SLC9A3: variants seen among roughly 807,000 people sequenced by gnomAD.
SLC9A3 encodes the protein sodium/hydrogen exchanger 3.
A neutral mutation model predicts 86.8 loss-of-function variants in SLC9A3; 37 were observed. The ratio of observed to expected loss-of-function variants is 0.43; its 90% CI spans 0.33 to 0.56. The LOEUF is 0.56. Among genes scored for constraint, SLC9A3 ranks in the 20% least tolerant of loss-of-function variants. The probability of loss-of-function intolerance (pLI) is 0.06; values close to 1 mark genes in which losing one functional copy is unlikely to be tolerated. For synonymous variants in SLC9A3, 581 were observed against 528.3 expected, an observed-to-expected ratio of 1.10 and a Z score of -1.37; for missense variants, 1,011 against 1,171.9, an observed-to-expected ratio of 0.86 and a Z score of 2.00.
chr5:511,617 G>A (rs937538308), intron 1 of SLC9A3, among the ~76,000 whole-genome samples: 2 of 152,354 alleles, frequency 1.3e-5, no homozygotes, highest in East Asian at 1.9e-4. Flanking sequence ...CAGCGTGGCC[G>A]AAACCCAGGA....
intron 1 of SLC9A3, among the ~76,000 whole-genome samples, chr5:508,551 G>A (rs1213647788): frequency 1.4e-5 from 2 of 145,848 alleles, no homozygotes; most frequent in African/African-American, 2.6e-5. Context: ...TGGAGATGCC[G>A]CAGGGAAACT....
intron 1 of SLC9A3, among the ~76,000 whole-genome samples, chr5:507,112 A>G (rs1288507888): frequency 2.1e-5 from 3 of 145,546 alleles, no homozygotes; most frequent in Non-Finnish European, 3.0e-5. Context: ...AAATAAATAA[A>G]TAAATAAATA....
chr5:501,465 G>A (rs1740274901), intron 1 of SLC9A3, among the ~76,000 whole-genome samples: 3 of 152,234 alleles, frequency 2.0e-5, no homozygotes. Flanking sequence ...AGGAAGGAGG[G>A]CGGAAGCACA....
At chr5:480,296 G>A in intron 9 of SLC9A3, 1 of 265,808 alleles carries the variant, frequency 3.8e-6, no homozygotes, top group Non-Finnish European at 7.3e-6. Context: ...AAGGGCAGGG[G>A]CGGACAGACA....
rs374244347 is a variant in SLC9A3, at chr5:476,026, C to T, written c.2134G>A (p.Glu712Lys). The change falls in exon 14 of 17, where the codon GAG (glutamate) becomes AAG (lysine). Residue 712 changes from glutamate to lysine, a missense_variant. Physicochemically the swap from Glu to Lys is moderately conservative, Grantham distance 56 (BLOSUM62 1). Transcript: ENST00000264938. ...TGCAGGGCCCCCAGCGCACCTTTCTCCTTGATGGTGAAATTCTGCGCAGGG... is the reference window on the plus strand; with the variant it reads ...TGCAGGGCCCCCAGCGCACCTTTCTTCTTGATGGTGAAATTCTGCGCAGGG... Reference protein sequence around the residue: ...ESPAQNFTIKEKDLELSDTEE... With the variant: ...ESPAQNFTIKKKDLELSDTEE... 6.8e-6 allele frequency: 11 copies of T among 1,612,058 alleles called. No individual in the cohort carries two copies. The African/African-American group carries it at 1.5e-4, about 21-fold the overall frequency.
chr5:518,078 G>C (rs898849030), intron 1 of SLC9A3, among the ~76,000 whole-genome samples: 1 of 152,256 alleles, frequency 6.6e-6, no homozygotes, highest in African/African-American at 2.4e-5. Context: ...GGACTCTGCT[G>C]GGGACAGGCA....
chr5:472,930 A>C lies in SLC9A3; in HGVS notation c.*449T>G, dbSNP rs942791334. The C allele has an allele frequency of 1.9e-6, 1 of 540,064 alleles. No individual in the cohort carries two copies. Among genetic ancestry groups the C allele is most frequent in the Non-Finnish European group, 3.3e-6 (1 of 302,286 alleles). The allele number at this position is 540,064 out of a possible 1,614,324, so 33.5% of individuals were successfully genotyped here. A position where few individuals can be genotyped will look rare whatever the true frequency, so the allele number is the denominator to read the frequency against. On this transcript the variant is annotated 3_prime_UTR_variant, in exon 17 of 17. Coordinates refer to ENST00000264938, the MANE Select transcript of SLC9A3 (RefSeq NM_004174.4). ...GCGGTGGGAAAGGGCGCGAGCGGCC[A>C]GCCATGGCGCGCGGACCCTTCCCGC...
intron 1 of SLC9A3, among the ~76,000 whole-genome samples, chr5:518,997 C>T (rs1012814904): frequency 1.3e-5 from 2 of 152,288 alleles, no homozygotes; most frequent in South Asian, 2.1e-4. Flanking sequence ...AGGATTCTCC[C>T]GGGCGACACC....
Position 476,269 on chromosome 5 carries a change from G to T in SLC9A3, c.2000C>A (p.Thr667Asn), listed in dbSNP as rs1193908845. ...CTTGTTCTGGTTGAGCCCCAGCTTG[G>T]TCGACTTGAAGGACTCCAGGCGCTT... ...MRKRLESFKS[T>N]KLGLNQNKKA... Residue 667 changes from threonine to asparagine, a missense_variant, in exon 13 of 17, where the codon ACC becomes AAC. Coordinates refer to ENST00000264938, the MANE Select transcript of SLC9A3 (RefSeq NM_004174.4). 18 of 1,614,008 alleles carry T rather than the reference G, an allele frequency of 1.1e-5. No homozygotes were observed. The highest frequency in any genetic ancestry group is 1.4e-5 in the Non-Finnish European group (16 of 1,180,014).
chr5:479,820 C>T lies in SLC9A3; in HGVS notation c.1647+16G>A, dbSNP rs1365092335. ...CTGCTGCAGCCCCGACCCGGCAGAG[C>T]AAGCGGCTCTGCTACCTCAGCCACG... On this transcript the variant is annotated intron_variant, in intron 10 of 16. Coordinates refer to ENST00000264938, the MANE Select transcript of SLC9A3 (RefSeq NM_004174.4). 6.2e-7 allele frequency: 1 copy of T among 1,612,418 alleles called. No individual in the cohort carries two copies. The highest frequency in any genetic ancestry group is 2.2e-5 in the East Asian group (1 of 44,872).
Position 505,826 on chromosome 5 carries a change from T to TG in SLC9A3, c.212-13756dup, listed in dbSNP as rs777656987. ...CCATGTGGGGGGAGAGTGACCATTG[T>TG]GGGGGTGGGGAAAGTGGCCATGTTG... is the stretch of plus-strand genomic sequence containing the variant. On this transcript the variant is annotated intron_variant, in intron 1 of 16. Coordinates refer to ENST00000264938, the MANE Select transcript of SLC9A3 (RefSeq NM_004174.4). Among the ~76,000 whole-genome samples, 21 of 35,392 alleles carry TG rather than the reference T, an allele frequency of 5.9e-4. 1 individual carries two copies. In the East Asian group the frequency reaches 0.018, roughly 30 times the overall value. The allele number at this position is 35,392 out of a possible 152,430, so 23.2% of individuals were successfully genotyped here.
intron 1 of SLC9A3, among the ~76,000 whole-genome samples, chr5:502,504 C>T (rs189790316): frequency 5.3e-5 from 8 of 152,336 alleles, no homozygotes; most frequent in Admixed American, 1.3e-4. Flanking sequence ...AGACACCGGT[C>T]GCAACGTCCT....
intron 1 of SLC9A3, among the ~76,000 whole-genome samples, chr5:493,116 G>GAA (rs70955254): frequency 1.0e-3 from 148 of 145,632 alleles, no homozygotes; most frequent in Middle Eastern, 3.6e-3. Context: ...GTTGGACTCA[G>GAA]AAAAAAAAAA....
chr5:515,735 CCA>C (rs1733709127), intron 1 of SLC9A3, among the ~76,000 whole-genome samples: 1 of 134,508 alleles, frequency 7.4e-6, no homozygotes, highest in Non-Finnish European at 1.6e-5. Flanking sequence ...ACTCACACAC[CCA>C]CACACTCCCC....
rs764388933 is a variant in SLC9A3 at position 474,888 on chromosome 5, T to G, written c.2496A>C (p.Thr832=). The G allele has an allele frequency of 6.3e-7, 1 of 1,594,324 alleles. No homozygotes were observed. The highest frequency in any genetic ancestry group is 1.1e-5 in the South Asian group (1 of 88,828). ...GGGAGGCCCGGGAGCGTTACATGTG[T>G]GTGGACTCGGGGAGGGCGGCGGGGG... The part of the protein sequence containing the change: ...ERPPAALPES[T]HM The change falls in exon 16 of 17, where the codon ACA becomes ACC. Residue 832 remains threonine (T), a synonymous_variant. Coordinates refer to ENST00000264938, the MANE Select transcript of SLC9A3 (RefSeq NM_004174.4).
At chr5:517,123 C>T (rs1733753681) in intron 1 of SLC9A3, among the ~76,000 whole-genome samples, 1 of 151,878 alleles carries the variant, frequency 6.6e-6, no homozygotes, top group Admixed American at 6.5e-5. Flanking sequence ...ATCCACATAT[C>T]TACCCATCCT....
At chr5:481,501 C>T (rs953385029) in intron 9 of SLC9A3, 64 bp downstream of exon 9, 54 of 1,371,710 alleles carry the variant, frequency 3.9e-5, no homozygotes, top group Admixed American at 1.2e-4. Flanking sequence ...CTGGTTCTTC[C>T]GAGTGGAGGA....
rs375784344 is a variant in SLC9A3, at chr5:482,592, C to T, written c.1312G>A (p.Val438Ile). 3.4e-5 allele frequency: 55 copies of T among 1,612,910 alleles called. No individual in the cohort carries two copies. The highest frequency in any genetic ancestry group is 1.1e-4 in the East Asian group (5 of 44,858). Residue 438 changes from valine to isoleucine, a missense_variant, in exon 7 of 17, where the codon GTC becomes ATC. Around this residue, in one of 3 missense-constraint regions of SLC9A3, gnomAD observed 565 missense variants for 790.0 expected, o/e 0.72. Transcript: ENST00000264938. ...AACACTACGATGATGGTGGTGCTGA[C>T]GAACAGGTTCTTCTCCTTGACCTTG... Reference protein sequence around the residue: ...GDKVKEKNLFVSTTIIVVFFT... With the variant: ...GDKVKEKNLFISTTIIVVFFT...
Position 491,620 on chromosome 5 carries a change from G to A in SLC9A3, c.514+149C>T, listed in dbSNP as rs1739744275. 4 of 658,382 alleles carry A rather than the reference G, an allele frequency of 6.1e-6. No individual in the cohort carries two copies. The highest frequency in any genetic ancestry group is 1.8e-5 in the African/African-American group (1 of 55,064). The allele number at this position is 658,382 out of a possible 1,614,324, so 40.8% of individuals were successfully genotyped here. A position where few individuals can be genotyped will look rare whatever the true frequency, so the allele number is the denominator to read the frequency against. On this transcript the variant is annotated intron_variant, in intron 2 of 16. Coordinates refer to ENST00000264938, the MANE Select transcript of SLC9A3 (RefSeq NM_004174.4). The surrounding 1 kb of genome is among the most constrained non-coding windows in gnomAD (Gnocchi z 9.2). ...GCAGGGGACTGGCCTTGGTCACGAG[G>A]GCCTACGGGGCTGCCAGCCACGTTT...
Sources: allele counts gnomAD v4.1 joint callset (sites outside exome capture counted in the v4.1 genomes callset), GRCh38; gene constraint gnomAD v4.1.1; regional missense constraint gnomAD v4.1.1; non-coding constraint Gnocchi (gnomAD v3.1); transcripts MANE v1.5; gene names NCBI Gene and HGNC (gene_info 2026-07-23, HGNC 2026-07-21).